Variants in SLC13A2 observed in about 807,000 individuals in gnomAD.
SLC13A2 encodes solute carrier family 13 member 2, also known as Na(+)-coupled citrate transporter.
A neutral mutation model predicts 58.5 loss-of-function variants in SLC13A2; 40 were observed. The observed-to-expected ratio is 0.68, with a 90% CI of 0.53 to 0.89. SLC13A2 has a LOEUF of 0.89. Among genes scored for constraint, SLC13A2 ranks in the 40% least tolerant of loss-of-function variants. SLC13A2 has a pLI of 0.00. For synonymous variants in SLC13A2, 341 were observed against 331.6 expected (o/e 1.03, Z -0.31); for missense variants, 694 against 772.6 (o/e 0.90, Z 1.21).
At chr17:28,495,421 C>A (rs907347836) in intron 9 of SLC13A2, among the ~76,000 whole-genome samples, 1 of 152,192 alleles carries the variant, frequency 6.6e-6, no homozygotes, top group Non-Finnish European at 1.5e-5. Flanking sequence ...CAAGAAGGCC[C>A]TTTGGCCCCC....
Position 28,496,960 on chromosome 17 carries a change from C to T in SLC13A2, c.1609-139C>T. 1.2e-6 allele frequency: 1 copy of T among 833,332 alleles called. No homozygotes were observed. Among genetic ancestry groups the T allele is most frequent in the Non-Finnish European group, 1.9e-6 (1 of 521,132 alleles). 51.6% of individuals were successfully genotyped at this position (833,332 alleles called of 1,614,324 possible). On this transcript the variant is annotated intron_variant, in intron 11 of 11. Coordinates refer to ENST00000314669, the MANE Select transcript of SLC13A2 (RefSeq NM_003984.4). The surrounding 1 kb of genome is among the most constrained non-coding windows in gnomAD (Gnocchi z 4.2). ...GCAAGGGGCAAAGGCATTGGCTATG[C>T]TGCAGGTTAGACCAACGGGAGGACT...
rs190453428 is a variant in SLC13A2, at chr17:28,477,445, T to C, written c.102+3631T>C. Among the ~76,000 whole-genome samples, 1,065 of 151,848 alleles carry C rather than the reference T, an allele frequency of 7.0e-3. 6 individuals carry two copies. Among genetic ancestry groups the C allele is most frequent in the African/African-American group, 0.013 (532 of 41,528 alleles). ...TCCTGACCTCGTGATCCGCCCGCCT[T>C]GGCCTCCCAAAGTGCTGGGATTACA... is the stretch of plus-strand genomic sequence containing the variant. On this transcript the variant is annotated intron_variant, in intron 1 of 11. Coordinates refer to ENST00000314669, the MANE Select transcript of SLC13A2 (RefSeq NM_003984.4).
intron 1 of SLC13A2, among the ~76,000 whole-genome samples, chr17:28,485,170 A>T (rs1317246647): frequency 6.6e-6 from 1 of 152,120 alleles, no homozygotes; most frequent in East Asian, 1.9e-4. Flanking sequence ...TAGAAAGAAG[A>T]GCATTCGCCA....
chr17:28,484,871 A>G (rs8069066), intron 1 of SLC13A2, among the ~76,000 whole-genome samples: 3,962 of 152,234 alleles, frequency 0.026, 172 homozygotes, highest in African/African-American at 0.091. Flanking sequence ...GTCTGCCTGA[A>G]GTGGGCTTCC....
chr17:28,494,586 C>T lies in SLC13A2; in HGVS notation c.1308+74C>T. 1 of 1,598,488 alleles carries T rather than the reference C, an allele frequency of 6.3e-7. No homozygotes were observed. The highest frequency in any genetic ancestry group is 1.7e-5 in the Admixed American group (1 of 58,916). ...GGCAGGGAGAGAGGGGGCCCTGCTT[C>T]TGTCCCACAGAGGGGAGACCTGGTC... On this transcript the variant is annotated intron_variant, in intron 9 of 11. Coordinates refer to ENST00000314669, the MANE Select transcript of SLC13A2 (RefSeq NM_003984.4). This position sits in a 1 kb window ranked among gnomAD's most constrained non-coding sequence, Gnocchi z 4.0.
chr17:28,490,638 T>A (rs782162466), intron 3 of SLC13A2, 48 bp downstream of exon 3: 5 of 1,589,002 alleles, frequency 3.1e-6, no homozygotes, highest in Middle Eastern at 1.7e-4. Flanking sequence ...CGAGGAGATA[T>A]TCTGGGCACC....
Position 28,489,252 on chromosome 17 carries a change from C to T in SLC13A2, c.141C>T (p.Leu47=). 6.2e-7 allele frequency: 1 copy of T among 1,614,052 alleles called. No homozygotes were observed. The highest frequency in any genetic ancestry group is 8.5e-7 in the Non-Finnish European group (1 of 1,180,014). ...CGTATGCCATCATCCTCATGGCGCT[C>T]TTCTGGTGCACTGAGGCCCTGCCCC... The part of the protein sequence containing the change: ...YCAYAIILMA[L]FWCTEALPLA... The change falls in exon 2 of 12, where the codon CTC becomes CTT. Residue 47 remains leucine (L), a synonymous_variant. Coordinates refer to ENST00000314669, the MANE Select transcript of SLC13A2 (RefSeq NM_003984.4).
At position 28,490,777 on chromosome 17, in the gene SLC13A2, GTGCCC is replaced by G. The variant is rs781956922; in HGVS notation, c.446_450del (p.Val149AspfsTer42). On this transcript the variant is annotated frameshift_variant, in exon 4 of 12. Transcript: ENST00000314669. LOFTEE classifies it high-confidence loss of function. ...CAACACGGCCACCTCAGCCATGATGGTGCCCATCGCACATGCCGTCCTGGACCAGC... is the reference window on the plus strand; with the variant it reads ...CAACACGGCCACCTCAGCCATGATGGATCGCACATGCCGTCCTGGACCAGC... 1 of 1,613,992 alleles carries G rather than the reference GTGCCC, an allele frequency of 6.2e-7. No homozygotes were observed. The highest frequency in any genetic ancestry group is 1.1e-5 in the South Asian group (1 of 91,042).
At position 28,488,177 on chromosome 17, in the gene SLC13A2, C is replaced by T. The variant is rs114645493; in HGVS notation, c.103-1037C>T. The stretch of plus-strand genomic sequence containing the variant: ...GCAGCTGCCTCTTCCCCCAGGCCAC[C>T]GCCTACTCCCACCTCAGGGACCCTT... On this transcript the variant is annotated intron_variant, in intron 1 of 11. Coordinates refer to ENST00000314669, the MANE Select transcript of SLC13A2 (RefSeq NM_003984.4). Among the ~76,000 whole-genome samples, 800 of 152,288 alleles carry T rather than the reference C, an allele frequency of 5.3e-3. 7 individuals are homozygous for T. The highest frequency in any genetic ancestry group is 0.018 in the African/African-American group (744 of 41,542).
intron 4 of SLC13A2, among the ~76,000 whole-genome samples, chr17:28,491,190 T>G (rs1372207359): frequency 6.6e-6 from 1 of 152,198 alleles, no homozygotes; most frequent in Middle Eastern, 3.4e-3. Context: ...TCTTCCTGAG[T>G]GGTTTGGGTA....
Position 28,495,752 on chromosome 17 carries a change from C to T in SLC13A2, c.1406C>T (p.Thr469Ile). Residue 469 changes from threonine to isoleucine, a missense_variant, in exon 10 of 12, where the codon ACC becomes ATC. Physicochemically the swap from Thr to Ile is moderately conservative, Grantham distance 89. Transcript: ENST00000314669. ...ATCATCCTCTCCCTCCTGGTGGCCA[C>T]CTTCACCGAGTGCACTAGCAACGTG... is the stretch of plus-strand genomic sequence containing the variant. Reference protein sequence around the residue: ...IAIILSLLVATFTECTSNVAT... With the variant: ...IAIILSLLVAIFTECTSNVAT... The T allele has an allele frequency of 6.2e-7, 1 of 1,613,490 alleles. No individual in the cohort carries two copies. The highest frequency in any genetic ancestry group is 1.1e-5 in the South Asian group (1 of 91,074).
At chr17:28,474,341 T>G in intron 1 of SLC13A2, among the ~76,000 whole-genome samples, 1 of 150,922 alleles carries the variant, frequency 6.6e-6, no homozygotes, top group African/African-American at 2.4e-5. Flanking sequence ...GGGGTGGGAG[T>G]TGGAAGAGGG....
In SLC13A2 at chr17:28,496,113, G is replaced by C. The variant is rs376095593; in HGVS notation, c.1470+297G>C. 2.6e-5 allele frequency among the ~76,000 whole-genome samples: 4 copies of C among 152,248 alleles called. No homozygotes were observed. Among genetic ancestry groups the C allele is most frequent in the South Asian group, 4.1e-4 (2 of 4,828 alleles). ...TGTTCTGGTCATTCCTGAGGTGACG[G>C]GGTGAAATTGCTCCCCGAAGCGTCC... On this transcript the variant is annotated intron_variant, in intron 10 of 11. Transcript: ENST00000314669. This position sits in a 1 kb window ranked among gnomAD's most constrained non-coding sequence, Gnocchi z 4.2.
chr17:28,478,048 G>C (rs541688976), intron 1 of SLC13A2, among the ~76,000 whole-genome samples: 1 of 151,900 alleles, frequency 6.6e-6, no homozygotes, highest in South Asian at 2.1e-4. Context: ...ACAGAGCAAG[G>C]CTCAGTCTCA....
At chr17:28,495,903 CTT>C in intron 10 of SLC13A2, 87 bp downstream of exon 10, 1 of 1,435,016 alleles carries the variant, frequency 7.0e-7, no homozygotes, top group Non-Finnish European at 9.5e-7. Flanking sequence ...AGTATCCTGT[CTT>C]TGCACCTCCT....
At chr17:28,489,474 T>A in intron 2 of SLC13A2, 132 bp downstream of exon 2, 1 of 1,085,454 alleles carries the variant, frequency 9.2e-7, no homozygotes, top group Non-Finnish European at 1.3e-6. Flanking sequence ...TGACTCTGCA[T>A]GAGGAAGAAG....
rs2069144404 is a variant in SLC13A2, at chr17:28,496,417, A to T, written c.1471-33A>T. ...GCCCCTCCCTCTGGCTTGGGGACCAAGTTCAGCTCTGCGCCACTGCCTCCC... is the reference window on the plus strand; with the variant it reads ...GCCCCTCCCTCTGGCTTGGGGACCATGTTCAGCTCTGCGCCACTGCCTCCC... On this transcript the variant is annotated intron_variant, in intron 10 of 11. Coordinates refer to ENST00000314669, the MANE Select transcript of SLC13A2 (RefSeq NM_003984.4). This position sits in a 1 kb window ranked among gnomAD's most constrained non-coding sequence, Gnocchi z 4.2. 1.3e-6 allele frequency: 2 copies of T among 1,563,582 alleles called. No homozygotes were observed.
chr17:28,490,145 G>A (rs1007971235), intron 2 of SLC13A2, among the ~76,000 whole-genome samples: 8 of 152,256 alleles, frequency 5.3e-5, no homozygotes, highest in African/African-American at 1.9e-4. Flanking sequence ...ATGGTGGTGC[G>A]TGCCTGTAGT....
At chr17:28,490,406 G>A (rs781861182) in intron 2 of SLC13A2, 48 bp from the exon 3 acceptor site, 5 of 1,613,956 alleles carry the variant, frequency 3.1e-6, no homozygotes, top group Non-Finnish European at 4.2e-6. Context: ...GGGCACCGTG[G>A]GAGACTCCAG....
Sources: allele counts gnomAD v4.1 joint callset (sites outside exome capture counted in the v4.1 genomes callset), GRCh38; gene constraint gnomAD v4.1.1; non-coding constraint Gnocchi (gnomAD v3.1); transcripts MANE v1.5; gene names NCBI Gene and HGNC (gene_info 2026-07-23, HGNC 2026-07-21).